The following RNF150 variants were observed in gnomAD, a reference collection of about 807,000 sequenced individuals.
RNF150 encodes the protein ring finger protein 150.
Under a neutral mutation model 39.3 loss-of-function variants are expected in RNF150, and 24 were observed. That is an observed-to-expected ratio of 0.61 (90% CI 0.44 to 0.86). The LOEUF (loss-of-function observed/expected upper bound fraction) is 0.86, where lower values mean the gene tolerates loss of function less well. RNF150 is among the 40% of genes least tolerant of loss of function. The pLI is 0.00. For synonymous variants in RNF150, 255 were observed against 227.3 expected, an observed-to-expected ratio of 1.12 and a Z score of -1.10; for missense variants, 502 against 587.8, an observed-to-expected ratio of 0.85 and a Z score of 1.51.
At chr4:140,919,395 G>A (rs1227372159) in intron 5 of RNF150, among the ~76,000 whole-genome samples, 1 of 132,928 alleles carries the variant, frequency 7.5e-6, no homozygotes, top group African/African-American at 2.8e-5. Flanking sequence ...ACCAATAACA[G>A]ACAAACAGAG....
At chr4:141,188,858 C>T (rs1318954283) in intron 1 of RNF150, among the ~76,000 whole-genome samples, 3 of 152,198 alleles carry the variant, frequency 2.0e-5, no homozygotes, top group Non-Finnish European at 4.4e-5. Flanking sequence ...TTATTACCCA[C>T]CTTCTTGAAG....
At chr4:141,197,864 C>T (rs780523867) in intron 1 of RNF150, among the ~76,000 whole-genome samples, 8 of 150,474 alleles carry the variant, frequency 5.3e-5, no homozygotes, top group Non-Finnish European at 1.2e-4. Flanking sequence ...GTTGACAGAG[C>T]AAGATTCTGT....
intron 1 of RNF150, among the ~76,000 whole-genome samples, chr4:141,178,699 A>G (rs1267756540): frequency 6.6e-6 from 1 of 152,108 alleles, no homozygotes; most frequent in Non-Finnish European, 1.5e-5. Flanking sequence ...GGTGCTGACA[A>G]GGGCCAGGGC....
At chr4:140,916,625 A>G (rs1730842490) in intron 5 of RNF150, among the ~76,000 whole-genome samples, 2 of 152,250 alleles carry the variant, frequency 1.3e-5, no homozygotes, top group African/African-American at 2.4e-5. Flanking sequence ...TCTGCAGGAT[A>G]TTATCCAGGA....
At position 140,866,082 on chromosome 4, in the gene RNF150, A is replaced by G. The variant is rs1728697458; in HGVS notation, c.*2179T>C. ...GATTGCAAACTCTGTGACTAACAGC[A>G]ATTTTTAAACAAGGCAAAACAAACC... is the stretch of plus-strand genomic sequence containing the variant. On this transcript the variant is annotated 3_prime_UTR_variant, in exon 7 of 7. Coordinates refer to ENST00000515673, the MANE Select transcript of RNF150 (RefSeq NM_020724.2). 6.6e-6 allele frequency: 1 copy of G among 152,218 alleles called. No homozygotes were observed. Among genetic ancestry groups the G allele is most frequent in the African/African-American group, 2.4e-5 (1 of 41,448 alleles). The allele number at this position is 152,218 out of a possible 1,614,324, so 9.4% of individuals were successfully genotyped here. A position where few individuals can be genotyped will look rare whatever the true frequency, so the allele number is the denominator to read the frequency against.
Position 141,132,489 on chromosome 4 carries a change from T to C in RNF150, c.320A>G (p.Lys107Arg), listed in dbSNP as rs2111111236. Residue 107 changes from lysine (K) to arginine (R), a missense_variant, in exon 1 of 7, where the codon AAG becomes AGG. Transcript: ENST00000515673. The surrounding 1 kb of genome is among the most constrained non-coding windows in gnomAD (Gnocchi z 4.9). ...HDRLACDPNT[K>R]FAAPTRGKNW... The stretch of plus-strand genomic sequence containing the variant: ...CTTGCCGCGGGTCGGGGCGGCGAAC[T>C]TGGTGTTGGGGTCGCAGGCCAGGCG... 1 of 1,607,624 alleles carries C rather than the reference T, an allele frequency of 6.2e-7. No homozygotes were observed. Among genetic ancestry groups the C allele is most frequent in the East Asian group, 2.2e-5 (1 of 44,552 alleles).
At chr4:140,995,961 T>C (rs1378579848) in intron 1 of RNF150, among the ~76,000 whole-genome samples, 1 of 152,176 alleles carries the variant, frequency 6.6e-6, no homozygotes, top group Non-Finnish European at 1.5e-5. Context: ...CTCTTTCATA[T>C]ACTGATTTCC....
chr4:141,083,063 T>C (rs1002571781), intron 1 of RNF150, among the ~76,000 whole-genome samples: 23 of 152,206 alleles, frequency 1.5e-4, no homozygotes, highest in African/African-American at 5.3e-4. Context: ...AATTATATTA[T>C]CCAAAAACAA....
intron 1 of RNF150, among the ~76,000 whole-genome samples, chr4:141,143,843 T>C (rs1354929169): frequency 1.3e-5 from 2 of 152,182 alleles, no homozygotes; most frequent in African/African-American, 4.8e-5. Context: ...GACTAATGCC[T>C]CTTCCTTTAT....
chr4:141,002,774 G>C (rs1279801682), intron 1 of RNF150, among the ~76,000 whole-genome samples: 1 of 152,148 alleles, frequency 6.6e-6, no homozygotes, highest in Non-Finnish European at 1.5e-5. Flanking sequence ...CTGTGTTCTT[G>C]TTCTAGCTTC....
At chr4:141,052,220 C>T (rs1290199270) in intron 1 of RNF150, among the ~76,000 whole-genome samples, 3 of 152,056 alleles carry the variant, frequency 2.0e-5, no homozygotes, top group Admixed American at 2.0e-4. Flanking sequence ...GGTGGGGACA[C>T]AGCCAAACCA....
chr4:140,889,053 T>A (rs943907482), intron 6 of RNF150, among the ~76,000 whole-genome samples: 4 of 151,702 alleles, frequency 2.6e-5, no homozygotes, highest in South Asian at 2.1e-4. Flanking sequence ...TTTTTTTTTT[T>A]AAATGAAAAA....
At chr4:140,913,318 G>A (rs138454366) in intron 5 of RNF150, among the ~76,000 whole-genome samples, 72 of 152,238 alleles carry the variant, frequency 4.7e-4, no homozygotes, top group African/African-American at 1.7e-3. Context: ...TTCTCCCAAG[G>A]AAGGAATTAC....
intron 1 of RNF150, among the ~76,000 whole-genome samples, chr4:141,130,726 A>AC (rs1267375618): frequency 6.6e-6 from 1 of 152,110 alleles, no homozygotes; most frequent in Non-Finnish European, 1.5e-5. Context: ...AGCTTCCTTC[A>AC]CCCCTCCTCC....
chr4:140,920,880 C>G (rs1433054562), intron 5 of RNF150, among the ~76,000 whole-genome samples: 5 of 151,490 alleles, frequency 3.3e-5, no homozygotes. Context: ...AGTTCATGTC[C>G]TTTATAGGGA....
At chr4:141,152,137 T>C (rs985049615) in intron 1 of RNF150, among the ~76,000 whole-genome samples, 9 of 152,168 alleles carry the variant, frequency 5.9e-5, no homozygotes, top group Admixed American at 2.0e-4. Flanking sequence ...TCATTAGAAA[T>C]ATATGAACGA....
At chr4:140,994,831 T>A (rs1734312438) in intron 1 of RNF150, among the ~76,000 whole-genome samples, 1 of 151,954 alleles carries the variant, frequency 6.6e-6, no homozygotes, top group East Asian at 1.9e-4. Context: ...TAAGTCTTTT[T>A]TTAATTTTTA....
Position 141,132,491 on chromosome 4 carries a change from G to T in RNF150, c.318C>A (p.Thr106=). Residue 106 remains threonine, a synonymous_variant, in exon 1 of 7, where the codon ACC becomes ACA. Coordinates refer to ENST00000515673, the MANE Select transcript of RNF150 (RefSeq NM_020724.2). This position sits in a 1 kb window ranked among gnomAD's most constrained non-coding sequence, Gnocchi z 4.9. The part of the protein sequence containing the change: ...AHDRLACDPN[T]KFAAPTRGKN... ...TGCCGCGGGTCGGGGCGGCGAACTT[G>T]GTGTTGGGGTCGCAGGCCAGGCGGT... The T allele has an allele frequency of 6.2e-7, 1 of 1,607,284 alleles. No individual in the cohort carries two copies. Among genetic ancestry groups the T allele is most frequent in the Non-Finnish European group, 8.5e-7 (1 of 1,177,718 alleles).
chr4:140,899,562 G>A (rs1019471209), intron 6 of RNF150, among the ~76,000 whole-genome samples: 3 of 152,052 alleles, frequency 2.0e-5, no homozygotes, highest in Non-Finnish European at 4.4e-5. Flanking sequence ...GTGTGTGCAT[G>A]TGTGTATGCA....
Sources: allele counts gnomAD v4.1 joint callset (sites outside exome capture counted in the v4.1 genomes callset), GRCh38; gene constraint gnomAD v4.1.1; non-coding constraint Gnocchi (gnomAD v3.1); transcripts MANE v1.5; gene names NCBI Gene and HGNC (gene_info 2026-07-23, HGNC 2026-07-21).